Variants in ESPL1 observed in about 807,000 individuals in gnomAD.
ESPL1 encodes the protein separin.
ESPL1 carries 50 observed loss-of-function variants against 217.2 expected under a neutral mutation model. That is an observed-to-expected ratio of 0.23 (90% CI 0.18 to 0.29). ESPL1 has a LOEUF of 0.29. Among genes scored for constraint, ESPL1 ranks in the 10% least tolerant of loss-of-function variants. ESPL1 has a pLI of 1.00. For missense variants in ESPL1, 1,834 were observed against 2,603.0 expected, an observed-to-expected ratio of 0.70 and a Z score of 6.43; for synonymous variants, 994 against 1,081.3, an observed-to-expected ratio of 0.92 and a Z score of 1.58.
Position 53,277,143 on chromosome 12 carries a change from C to T in ESPL1, c.2001C>T (p.Ala667=), listed in dbSNP as rs534452521. Residue 667 remains alanine (A), a synonymous_variant, in exon 9 of 31, where the codon GCC becomes GCT. Transcript: ENST00000257934. The part of the protein sequence containing the change: ...LQLLDSVRPE[A]QARDQLLDDK... ...TTCTGGACTCTGTGAGGCCTGAGGC[C>T]CAGGCCAGAGATCAGCTTCTGGACG... The T allele has an allele frequency of 3.3e-5, 53 of 1,613,906 alleles. No homozygotes were observed. Among genetic ancestry groups the T allele is most frequent in the Non-Finnish European group, 4.3e-5 (51 of 1,179,862 alleles).
chr12:53,272,970 T>C, intron 6 of ESPL1, 113 bp downstream of exon 6: 1 of 999,598 alleles, frequency 1.0e-6, no homozygotes, highest in Non-Finnish European at 1.5e-6. Flanking sequence ...TAGCAGCATG[T>C]TGACACCAGT....
In ESPL1 at chr12:53,292,477, T is replaced by C. The variant is rs1189710245; in HGVS notation, c.5912+84T>C. The C allele has an allele frequency of 7.2e-7, 1 of 1,385,056 alleles. No individual in the cohort carries two copies. Among genetic ancestry groups the C allele is most frequent in the African/African-American group, 1.4e-5 (1 of 70,580 alleles). The allele number at this position is 1,385,056 out of a possible 1,614,324, so 85.8% of individuals were successfully genotyped here. ...CAAGCCTTTTCTCCAGAAACAGCTGTTGCAGCCCACCTTCTATCTAATGAT... is the reference window on the plus strand; with the variant it reads ...CAAGCCTTTTCTCCAGAAACAGCTGCTGCAGCCCACCTTCTATCTAATGAT... On this transcript the variant is annotated intron_variant, in intron 28 of 30. Coordinates refer to ENST00000257934, the MANE Select transcript of ESPL1 (RefSeq NM_012291.5). The surrounding 1 kb of genome is among the most constrained non-coding windows in gnomAD (Gnocchi z 4.5).
chr12:53,273,126 C>T lies in ESPL1; in HGVS notation c.1506+269C>T, dbSNP rs112451421. Reference sequence around the variant, plus strand: ...TCTTGGCTCACTGCAACCTTTGCCTCAGCAAAGGTTCAAGCAATTCTCCTG... The same window carrying T: ...TCTTGGCTCACTGCAACCTTTGCCTTAGCAAAGGTTCAAGCAATTCTCCTG... On this transcript the variant is annotated intron_variant, in intron 6 of 30. Transcript: ENST00000257934. Among the ~76,000 whole-genome samples the T allele has an allele frequency of 1.0e-2, 1,504 of 150,750 alleles. 20 individuals carry two copies. The highest frequency in any genetic ancestry group is 0.034 in the African/African-American group (1,378 of 40,880).
intron 17 of ESPL1, among the ~76,000 whole-genome samples, chr12:53,284,479 C>T (rs1242314099): frequency 1.3e-5 from 2 of 151,470 alleles, no homozygotes; most frequent in Non-Finnish European, 2.9e-5. Context: ...TGGTCTCGAA[C>T]TCCTGACCTC....
rs371853647 is a variant in ESPL1 at position 53,286,271 on chromosome 12, C to G, written c.3535C>G (p.Gln1179Glu). 8 of 1,614,076 alleles carry G rather than the reference C, an allele frequency of 5.0e-6. No homozygotes were observed. In the African/African-American group the frequency reaches 5.3e-5, roughly 11 times the overall value. ...GVRLAMGHQA[Q>E]GLDLLQVVLK... The stretch of plus-strand genomic sequence containing the variant: ...GAGGCTGGCCATGGGCCACCAAGCC[C>G]AGGGTCTGGATCTGCTGCAGGTCGT... Residue 1179 changes from glutamine to glutamate, a missense_variant, in exon 18 of 31, where the codon CAG (glutamine) becomes GAG (glutamate). Around this residue, in one of 5 missense-constraint regions of ESPL1, gnomAD observed 681 missense variants for 808.0 expected, o/e 0.84. Transcript: ENST00000257934. The surrounding 1 kb of genome is among the most constrained non-coding windows in gnomAD (Gnocchi z 5.3).
rs199988679 is a variant in ESPL1, at chr12:53,276,845, G to T, written c.1926G>T (p.Thr642=). Reference sequence around the variant, plus strand: ...AGGTGCTCTGCTACCACGACTTTACGCAGCAGACCAACTGGTAAGGAGTAG... The same window carrying T: ...AGGTGCTCTGCTACCACGACTTTACTCAGCAGACCAACTGGTAAGGAGTAG... ...LAQVLCYHDF[T]QQTNCSALDA... The change falls in exon 8 of 31, where the codon ACG becomes ACT. Residue 642 remains threonine (T), a synonymous_variant. Coordinates refer to ENST00000257934, the MANE Select transcript of ESPL1 (RefSeq NM_012291.5). 5 of 1,613,632 alleles carry T rather than the reference G, an allele frequency of 3.1e-6. No homozygotes were observed. The highest frequency in any genetic ancestry group is 1.1e-5 in the South Asian group (1 of 91,086).
At chr12:53,272,585 C>T in intron 5 of ESPL1, 136 bp from the exon 6 acceptor site, 1 of 984,030 alleles carries the variant, frequency 1.0e-6, no homozygotes, top group Non-Finnish European at 1.5e-6. Flanking sequence ...CTTCCCCATT[C>T]CTAGCAGTAG....
At position 53,290,999 on chromosome 12, in the gene ESPL1, G is replaced by A; in HGVS notation, c.5520+3G>A. 6.3e-7 allele frequency: 1 copy of A among 1,578,470 alleles called. No individual in the cohort carries two copies. The highest frequency in any genetic ancestry group is 1.8e-5 in the Admixed American group (1 of 54,768). ...ATCCTGACCGCACTCTGCTGAAAGT[G>A]AGTGAGGAAAGCAGGGAAGGGGGCC... On this transcript the variant is annotated splice_donor_region_variant and intron_variant, in intron 25 of 30. Transcript: ENST00000257934.
Position 53,292,056 on chromosome 12 carries a change from C to T in ESPL1, c.5764C>T (p.Arg1922Cys), listed in dbSNP as rs145106971. ...GCCTGTCACCCGGCTGCCCTCCTTC[C>T]GCTTCCTACTCAGCTACTCCATCAT... ...ALPVTRLPSF[R>C]FLLSYSIIKE... The change falls in exon 27 of 31, where the codon CGC becomes TGC. Residue 1922 changes from arginine to cysteine, a missense_variant. Physicochemically the swap from Arg to Cys is radical, Grantham distance 180. This residue lies in a region of ESPL1 where 295 missense variants were observed against 519.8 expected (regional missense o/e 0.57). Transcript: ENST00000257934. This position sits in a 1 kb window ranked among gnomAD's most constrained non-coding sequence, Gnocchi z 4.5. 8.1e-6 allele frequency: 13 copies of T among 1,614,064 alleles called. No homozygotes were observed. Among genetic ancestry groups the T allele is most frequent in the African/African-American group, 2.7e-5 (2 of 75,034 alleles).
intron 12 of ESPL1, among the ~76,000 whole-genome samples, chr12:53,280,299 A>T (rs1943840222): frequency 6.6e-6 from 1 of 152,116 alleles, no homozygotes; most frequent in South Asian, 2.1e-4. Flanking sequence ...TTGCCCCAAT[A>T]ATACTTGCCA....
At position 53,286,495 on chromosome 12, in the gene ESPL1, T is replaced by C. The variant is rs376159356; in HGVS notation, c.3759T>C (p.Phe1253=). 5.6e-6 allele frequency: 9 copies of C among 1,614,212 alleles called. No homozygotes were observed. The highest frequency in any genetic ancestry group is 5.5e-5 in the South Asian group (5 of 91,090). The change falls in exon 18 of 31, where the codon TTT becomes TTC. Residue 1253 remains phenylalanine, a synonymous_variant. Coordinates refer to ENST00000257934, the MANE Select transcript of ESPL1 (RefSeq NM_012291.5). The surrounding 1 kb of genome is among the most constrained non-coding windows in gnomAD (Gnocchi z 5.3). The stretch of plus-strand genomic sequence containing the variant: ...AGGTTCTACAGTCAGGGCTGAAGTT[T>C]GTAGCAGCACGGATACCCCACCTAG... ...LQKVLQSGLK[F]VAARIPHLEP...
rs772642425 is a variant in ESPL1, at chr12:53,289,584, G to C, written c.5103G>C (p.Leu1701=). ...AGAGTTTCCAGGAGCGCCTGGCTCT[G>C]ATCCCCAGTGGTATGCGGGCAGCCT... ...EKESFQERLA[L]IPSGVTVCVL... is the part of the protein sequence containing the mutation. The change falls in exon 22 of 31, where the codon CTG becomes CTC. Residue 1701 remains leucine, a synonymous_variant. Coordinates refer to ENST00000257934, the MANE Select transcript of ESPL1 (RefSeq NM_012291.5). The C allele has an allele frequency of 2.6e-5, 42 of 1,613,356 alleles. No homozygotes were observed. The South Asian group carries it at 4.5e-4, about 17-fold the overall frequency.
rs1446928717 is a variant in ESPL1, at chr12:53,292,688, G to C, written c.5996+31G>C. On this transcript the variant is annotated intron_variant, in intron 29 of 30. Transcript: ENST00000257934. The surrounding 1 kb of genome is among the most constrained non-coding windows in gnomAD (Gnocchi z 4.5). ...TGCTTAAGGCAGGGATGTGGGGAGA[G>C]GGGCAGTCCTGAGGATGGTATCACC... 1.9e-6 allele frequency: 3 copies of C among 1,603,730 alleles called. No homozygotes were observed.
At position 53,290,144 on chromosome 12, in the gene ESPL1, C is replaced by G; in HGVS notation, c.5173C>G (p.Leu1725Val). 6.2e-7 allele frequency: 1 copy of G among 1,614,010 alleles called. No homozygotes were observed. The highest frequency in any genetic ancestry group is 8.5e-7 in the Non-Finnish European group (1 of 1,180,010). Residue 1725 changes from leucine to valine, a missense_variant, in exon 23 of 31, where the codon CTC (leucine) becomes GTC (valine). Physicochemically the swap from Leu to Val is conservative, Grantham distance 32. This residue lies in a region of ESPL1 where 295 missense variants were observed against 519.8 expected (regional missense o/e 0.57). Coordinates refer to ENST00000257934, the MANE Select transcript of ESPL1 (RefSeq NM_012291.5). ...TLQPGTVGNT[L>V]LLTRLEKDSP... ...CCAGCCCGGAACCGTGGGCAACACCCTCCTGCTGACCCGGCTGGAAAAGGA... is the reference window on the plus strand; with the variant it reads ...CCAGCCCGGAACCGTGGGCAACACCGTCCTGCTGACCCGGCTGGAAAAGGA...
At position 53,293,323 on chromosome 12, in the gene ESPL1, G is replaced by T. The variant is rs1400051428; in HGVS notation, c.6212G>T (p.Arg2071Leu). The change falls in exon 31 of 31, where the codon CGC becomes CTC. Residue 2071 changes from arginine (R) to leucine (L), a missense_variant. This residue lies in a region of ESPL1 where 295 missense variants were observed against 519.8 expected (regional missense o/e 0.57). Transcript: ENST00000257934. The surrounding 1 kb of genome is among the most constrained non-coding windows in gnomAD (Gnocchi z 4.2). ...LWDVTDRDIDRYTEALLQGWL... is the reference protein window; with the variant it reads ...LWDVTDRDIDLYTEALLQGWL... ...GATGTGACTGACCGCGACATTGACC[G>T]CTACACGGAAGCTCTGCTGCAAGGC... 2 of 1,614,082 alleles carry T rather than the reference G, an allele frequency of 1.2e-6. No individual in the cohort carries two copies. The highest frequency in any genetic ancestry group is 1.7e-6 in the Non-Finnish European group (2 of 1,179,992).
At position 53,269,170 on chromosome 12, in the gene ESPL1, G is replaced by C. The variant is rs374757860; in HGVS notation, c.228G>C (p.Glu76Asp). 8.9e-5 allele frequency: 144 copies of C among 1,614,180 alleles called. No individual in the cohort carries two copies. The highest frequency in any genetic ancestry group is 9.6e-5 in the Non-Finnish European group (113 of 1,180,034). ...CTAGGCATCTGGGGAGCCTGCTGGA[G>C]CTGGCAGAGCTGGCCTGTGATGGCT... Reference protein sequence around the residue: ...ACPRHLGSLLELAELACDGYL... With the variant: ...ACPRHLGSLLDLAELACDGYL... Residue 76 changes from glutamate (E) to aspartate (D), a missense_variant, in exon 3 of 31, where the codon GAG (glutamate) becomes GAC (aspartate). By Grantham distance (45) the Glu-to-Asp change is conservative. This residue lies in a region of ESPL1 where 746 missense variants were observed against 1,077.0 expected (regional missense o/e 0.69). Coordinates refer to ENST00000257934, the MANE Select transcript of ESPL1 (RefSeq NM_012291.5). The surrounding 1 kb of genome is among the most constrained non-coding windows in gnomAD (Gnocchi z 6.7).
chr12:53,290,965 G>C lies in ESPL1; in HGVS notation c.5489G>C (p.Gly1830Ala), dbSNP rs1944047146. The C allele has an allele frequency of 6.2e-7, 1 of 1,601,914 alleles. No homozygotes were observed. The highest frequency in any genetic ancestry group is 1.1e-5 in the South Asian group (1 of 88,948). The change falls in exon 25 of 31, where the codon GGC becomes GCC. Residue 1830 changes from glycine to alanine, a missense_variant. This residue lies in a region of ESPL1 where 295 missense variants were observed against 519.8 expected (regional missense o/e 0.57). Coordinates refer to ENST00000257934, the MANE Select transcript of ESPL1 (RefSeq NM_012291.5). ...SRLQELLQDC[G>A]WKYPDRTLLK... ...CTACAGGAGCTGCTACAGGACTGTGGCTGGAAATATCCTGACCGCACTCTG... is the reference window on the plus strand; with the variant it reads ...CTACAGGAGCTGCTACAGGACTGTGCCTGGAAATATCCTGACCGCACTCTG...
intron 5 of ESPL1, 55 bp downstream of exon 5, chr12:53,270,853 G>A: frequency 6.2e-7 from 1 of 1,602,600 alleles, no homozygotes; most frequent in Non-Finnish European, 8.5e-7. Flanking sequence ...CACCCATTAG[G>A]CAGGTGAATA....
chr12:53,276,895 C>T (rs763429092), intron 8 of ESPL1, 36 bp downstream of exon 8: 2 of 1,605,020 alleles, frequency 1.2e-6, no homozygotes, highest in Admixed American at 3.4e-5. Context: ...ACTCTTGCTC[C>T]TTGCCCTAGG....
Sources: allele counts gnomAD v4.1 joint callset (sites outside exome capture counted in the v4.1 genomes callset), GRCh38; gene constraint gnomAD v4.1.1; regional missense constraint gnomAD v4.1.1; non-coding constraint Gnocchi (gnomAD v3.1); transcripts MANE v1.5; gene names NCBI Gene and HGNC (gene_info 2026-07-23, HGNC 2026-07-21).